ACOXL: variants seen among roughly 807,000 people sequenced by gnomAD.
The protein encoded by ACOXL is acyl-CoA oxidase like.
In ACOXL, 70 loss-of-function variants were observed where a neutral mutation model predicts 71.9. That is an observed-to-expected ratio of 0.97 (90% confidence interval 0.80 to 1.19). ACOXL has a LOEUF of 1.19. Ranked by LOEUF, ACOXL falls within the 50% of genes most tolerant of loss-of-function variation. The probability of loss-of-function intolerance (pLI) is 0.00; values close to 1 mark genes in which losing one functional copy is unlikely to be tolerated. For missense variants in ACOXL, 703 were observed against 736.3 expected (o/e 0.95, Z 0.52); for synonymous variants, 253 against 281.6 (o/e 0.90, Z 1.02).
Position 110,908,731 on chromosome 2 carries a change from TG to T in ACOXL, c.789-57del, listed in dbSNP as rs2059546427. 5.9e-6 allele frequency: 8 copies of T among 1,359,204 alleles called. No homozygotes were observed. In the East Asian group the frequency reaches 1.6e-4, roughly 28 times the overall value. The allele number at this position is 1,359,204 out of a possible 1,614,324, so 84.2% of individuals were successfully genotyped here. A position where few individuals can be genotyped will look rare whatever the true frequency, so the allele number is the denominator to read the frequency against. The stretch of plus-strand genomic sequence containing the variant: ...TAGCCAGCATTTTTAGCTCTGGAAA[TG>T]AAGTTACCTCCCGCTCCTGGATTTT... On this transcript the variant is annotated intron_variant, in intron 10 of 17. Coordinates refer to ENST00000439055, the MANE Select transcript of ACOXL (RefSeq NM_001142807.4).
intron 15 of ACOXL, chr2:111,036,730 TC>T (rs2065534876): frequency 6.6e-6 from 1 of 152,070 alleles, no homozygotes; most frequent in Admixed American, 6.6e-5. Context: ...GGTCTGGAAA[TC>T]CAGGAGCTGG....
chr2:110,982,479 G>T (rs996333837), intron 12 of ACOXL, among the ~76,000 whole-genome samples: 13 of 151,754 alleles, frequency 8.6e-5, no homozygotes, highest in Non-Finnish European at 4.4e-5. Context: ...CTTCTAGCCA[G>T]GGAATTTTTA....
intron 10 of ACOXL, among the ~76,000 whole-genome samples, chr2:110,875,210 ATG>A (rs896396562): frequency 2.7e-4 from 41 of 152,308 alleles, no homozygotes; most frequent in African/African-American, 9.6e-4. Context: ...ATGGCCGTTC[ATG>A]TGTAAATCTC....
intron 10 of ACOXL, among the ~76,000 whole-genome samples, chr2:110,862,704 G>T (rs1014968909): frequency 1.3e-5 from 2 of 152,196 alleles, no homozygotes. Flanking sequence ...GTGCCCCGGC[G>T]AATCACCCCC....
At chr2:110,760,061 AT>A (rs1340221139) in intron 1 of ACOXL, among the ~76,000 whole-genome samples, 1 of 149,588 alleles carries the variant, frequency 6.7e-6, no homozygotes, top group Non-Finnish European at 1.5e-5. Flanking sequence ...GCTAACTCTT[AT>A]TTTTTGTAGT....
At chr2:110,768,311 C>A in intron 1 of ACOXL, 57 bp from the exon 2 acceptor site, 1 of 1,454,812 alleles carries the variant, frequency 6.9e-7, no homozygotes, top group Non-Finnish European at 9.6e-7. Flanking sequence ...AAAGCATCCA[C>A]AGCCTCCCCT....
At chr2:111,012,789 G>T (rs1012345553) in intron 14 of ACOXL, among the ~76,000 whole-genome samples, 1 of 152,170 alleles carries the variant, frequency 6.6e-6, no homozygotes, top group African/African-American at 2.4e-5. Flanking sequence ...ATTTTGTGAG[G>T]TGCAGTAAAA....
chr2:110,811,553 A>T (rs1687314568), intron 9 of ACOXL, among the ~76,000 whole-genome samples: 1 of 152,070 alleles, frequency 6.6e-6, no homozygotes, highest in Non-Finnish European at 1.5e-5. Flanking sequence ...CACTTTTGTG[A>T]TGTGGTGGCC....
chr2:110,826,796 A>C (rs2105578660), intron 9 of ACOXL, among the ~76,000 whole-genome samples: 1 of 121,978 alleles, frequency 8.2e-6, no homozygotes, highest in African/African-American at 3.1e-5. Context: ...AGGAGCAATT[A>C]GGATTTTTGG....
chr2:110,865,107 A>G lies in ACOXL; in HGVS notation c.788+23702A>G, dbSNP rs149866629. On this transcript the variant is annotated intron_variant, in intron 10 of 17. Transcript: ENST00000439055. ...AAGGACTTAAAAAATCAGGGCCTTC[A>G]GGAGAATTTCTAGTTGCTGTGAAAA... 2.6e-4 allele frequency among the ~76,000 whole-genome samples: 40 copies of G among 152,386 alleles called. 1 individual carries two copies. In the East Asian group the frequency reaches 7.5e-3, roughly 29 times the overall value.
At chr2:110,896,541 ATCG>A (rs2059013900) in intron 10 of ACOXL, among the ~76,000 whole-genome samples, 1 of 152,166 alleles carries the variant, frequency 6.6e-6, no homozygotes, top group South Asian at 2.1e-4. Flanking sequence ...AAAAAGACAT[ATCG>A]TGCAAAGATT....
intron 16 of ACOXL, among the ~76,000 whole-genome samples, chr2:111,070,910 G>A (rs1008573040): frequency 6.6e-6 from 1 of 152,024 alleles, no homozygotes; most frequent in Non-Finnish European, 1.5e-5. Flanking sequence ...GCCCACCGTT[G>A]CCTAACTGTG....
At chr2:111,030,919 G>C (rs1168993702) in intron 14 of ACOXL, among the ~76,000 whole-genome samples, 2 of 152,100 alleles carry the variant, frequency 1.3e-5, no homozygotes, top group East Asian at 1.9e-4. Flanking sequence ...GTATCTTTCT[G>C]TTCTCTGTGC....
chr2:111,060,094 A>G (rs951703987), intron 16 of ACOXL, among the ~76,000 whole-genome samples: 5 of 152,132 alleles, frequency 3.3e-5, no homozygotes, highest in African/African-American at 1.2e-4. Flanking sequence ...CAACCTCACC[A>G]CTATGGTTGT....
intron 16 of ACOXL, among the ~76,000 whole-genome samples, chr2:111,049,538 G>A (rs2066181425): frequency 6.6e-6 from 1 of 152,170 alleles, no homozygotes; most frequent in African/African-American, 2.4e-5. Flanking sequence ...TCTCCAGAGG[G>A]CTCAGTTGGT....
At chr2:110,856,563 A>G (rs1156266864) in intron 10 of ACOXL, among the ~76,000 whole-genome samples, 6 of 152,264 alleles carry the variant, frequency 3.9e-5, no homozygotes, top group Non-Finnish European at 8.8e-5. Flanking sequence ...TAAGATCTAC[A>G]GAAAGAAGGA....
intron 9 of ACOXL, among the ~76,000 whole-genome samples, chr2:110,808,647 A>G (rs1379256766): frequency 1.3e-5 from 2 of 152,072 alleles, no homozygotes; most frequent in Admixed American, 6.6e-5. Flanking sequence ...GGGGGCTTAC[A>G]TGTGCTACCA....
intron 13 of ACOXL, among the ~76,000 whole-genome samples, chr2:110,994,902 G>A (rs2063323113): frequency 6.6e-6 from 1 of 152,076 alleles, no homozygotes; most frequent in African/African-American, 2.4e-5. Flanking sequence ...AGTTCTGCCT[G>A]TGTGACCTTG....
chr2:110,813,097 A>G (rs991783192), intron 9 of ACOXL, among the ~76,000 whole-genome samples: 4 of 152,138 alleles, frequency 2.6e-5, no homozygotes, highest in Non-Finnish European at 5.9e-5. Context: ...CCCTTCCCCA[A>G]TGAGTAGAGT....
Sources: gnomAD v4.1 joint callset for allele counts (sites outside exome capture counted in the v4.1 genomes callset) on GRCh38, gnomAD v4.1.1 for gene constraint, MANE v1.5 for transcripts, NCBI Gene and HGNC (gene_info 2026-07-23, HGNC 2026-07-21) for gene names.